CWH43: variants seen among roughly 807,000 people sequenced by gnomAD.
CWH43 encodes the protein cell wall biogenesis 43 C-terminal homolog, also known as PGAP2-interacting protein.
Under a neutral mutation model 85.7 loss-of-function variants are expected in CWH43, and 91 were observed. That is an observed-to-expected ratio of 1.06 (90% CI 0.90 to 1.26). The LOEUF (loss-of-function observed/expected upper bound fraction) is 1.26. Among genes scored for constraint, CWH43 ranks in the 50% most tolerant of loss-of-function variants. The pLI, the probability that CWH43 is intolerant of heterozygous loss-of-function variation, is 0.00. For missense variants in CWH43, 869 were observed against 839.2 expected (o/e 1.04, Z -0.44); for synonymous variants, 323 against 293.6 (o/e 1.10, Z -1.02).
intron 5 of CWH43, among the ~76,000 whole-genome samples, chr4:48,995,206 G>A (rs1308124265): frequency 6.6e-6 from 1 of 152,166 alleles, no homozygotes. Flanking sequence ...AGTAGGATAA[G>A]ACCACAGTCC....
intron 14 of CWH43, among the ~76,000 whole-genome samples, chr4:49,048,157 G>T (rs1475897607): frequency 6.6e-6 from 1 of 152,114 alleles, no homozygotes; most frequent in African/African-American, 2.4e-5. Flanking sequence ...TTAATTTCAA[G>T]TTTTAAAAAA....
At position 48,991,976 on chromosome 4, in the gene CWH43, C is replaced by A; in HGVS notation, c.397C>A (p.Leu133Ile). The change falls in exon 4 of 16, where the codon CTT becomes ATT. Residue 133 changes from leucine to isoleucine, a missense_variant. Physicochemically the swap from Leu to Ile is conservative, Grantham distance 5 (BLOSUM62 2). This residue lies in a region of CWH43 where 152 missense variants were observed against 203.6 expected (regional missense o/e 0.75). Transcript: ENST00000226432. The stretch of plus-strand genomic sequence containing the variant: ...GGGATTCATTTTAGGACAGATTGTT[C>A]TTGTTGTTCTACGCATATGGTATAC... ...IWGFILGQIVLVVLRIWYTSL... is the reference protein window; with the variant it reads ...IWGFILGQIVIVVLRIWYTSL... 1 of 1,613,796 alleles carries A rather than the reference C, an allele frequency of 6.2e-7. No homozygotes were observed. Among genetic ancestry groups the A allele is most frequent in the Non-Finnish European group, 8.5e-7 (1 of 1,179,858 alleles).
chr4:49,050,931 G>T (rs1784774587), intron 15 of CWH43, 82 bp downstream of exon 15: 1 of 992,730 alleles, frequency 1.0e-6, no homozygotes, highest in Admixed American at 2.5e-5. Context: ...AAATGAGCTA[G>T]AAATTATATT....
chr4:49,008,389 G>A (rs1783239412), intron 8 of CWH43, among the ~76,000 whole-genome samples: 1 of 150,228 alleles, frequency 6.7e-6, no homozygotes, highest in South Asian at 2.2e-4. Context: ...TTTGTCACAT[G>A]GATAGATTGC....
Position 48,993,333 on chromosome 4 carries a change from G to A in CWH43, c.511+1243G>A, listed in dbSNP as rs183746713. Among the ~76,000 whole-genome samples, 1,031 of 152,102 alleles carry A rather than the reference G, an allele frequency of 6.8e-3. 5 individuals carry two copies. Among genetic ancestry groups the A allele is most frequent in the Non-Finnish European group, 0.01 (712 of 67,974 alleles). On this transcript the variant is annotated intron_variant, in intron 4 of 15. Transcript: ENST00000226432. ...TGGCTCTTTTTCCTCAAAACTCTCC[G>A]CTGAGCCCCCAGACCCCTGGCCTCC... is the stretch of plus-strand genomic sequence containing the variant.
At chr4:49,010,603 T>G (rs978198606) in intron 8 of CWH43, among the ~76,000 whole-genome samples, 27 of 152,226 alleles carry the variant, frequency 1.8e-4, no homozygotes, top group Non-Finnish European at 3.5e-4. Flanking sequence ...GCTGTCTGTT[T>G]TGGGCATTTA....
At chr4:49,036,729 G>A (rs1211255111) in intron 12 of CWH43, among the ~76,000 whole-genome samples, 1 of 152,156 alleles carries the variant, frequency 6.6e-6, no homozygotes, top group African/African-American at 2.4e-5. Context: ...CTGGCTTCTG[G>A]GTAGGTTTAG....
At chr4:49,018,356 A>G (rs1783628101) in intron 9 of CWH43, among the ~76,000 whole-genome samples, 1 of 152,188 alleles carries the variant, frequency 6.6e-6, no homozygotes, top group South Asian at 2.1e-4. Context: ...GAGATTTGGT[A>G]GGGACACAGA....
At chr4:49,008,004 G>T (rs1783221453) in intron 8 of CWH43, among the ~76,000 whole-genome samples, 2 of 152,266 alleles carry the variant, frequency 1.3e-5, no homozygotes, top group African/African-American at 4.8e-5. Context: ...GGATGGCTGG[G>T]TCAAATGGTA....
At position 48,992,147 on chromosome 4, in the gene CWH43, G is replaced by A. The variant is rs553276903; in HGVS notation, c.511+57G>A. 152 of 1,386,718 alleles carry A rather than the reference G, an allele frequency of 1.1e-4. No individual in the cohort carries two copies. In the African/African-American group the frequency reaches 2.0e-3, roughly 18 times the overall value. The allele number at this position is 1,386,718 out of a possible 1,614,324, so 85.9% of individuals were successfully genotyped here. On this transcript the variant is annotated intron_variant, in intron 4 of 15. Transcript: ENST00000226432. This position sits in a 1 kb window ranked among gnomAD's most constrained non-coding sequence, Gnocchi z 4.3. ...CAGAGCTTACCTTTCCTATGTGAAT[G>A]TTGCACATCTTGGAAAGAAAATCTA...
At chr4:49,021,351 T>A (rs1783745165) in intron 9 of CWH43, among the ~76,000 whole-genome samples, 1 of 152,180 alleles carries the variant, frequency 6.6e-6, no homozygotes, top group Non-Finnish European at 1.5e-5. Flanking sequence ...ATGTCAAAGA[T>A]CAGTTGACTG....
intron 6 of CWH43, among the ~76,000 whole-genome samples, chr4:49,002,072 G>A (rs1329965584): frequency 6.6e-6 from 1 of 152,114 alleles, no homozygotes; most frequent in African/African-American, 2.4e-5. Flanking sequence ...GCAAAGACAA[G>A]TATTAGGTTT....
At chr4:49,008,230 G>A (rs1226975372) in intron 8 of CWH43, among the ~76,000 whole-genome samples, 3 of 152,160 alleles carry the variant, frequency 2.0e-5, no homozygotes, top group Non-Finnish European at 4.4e-5. Context: ...CAGTGATGAT[G>A]AGCATTTTTT....
chr4:49,014,390 T>C (rs1056929684), intron 8 of CWH43, among the ~76,000 whole-genome samples: 10 of 148,032 alleles, frequency 6.8e-5, no homozygotes, highest in African/African-American at 2.6e-4. Context: ...CTTTTGAGCC[T>C]GGGAGGTCAA....
chr4:49,009,566 G>T (rs1783283564), intron 8 of CWH43, among the ~76,000 whole-genome samples: 1 of 152,162 alleles, frequency 6.6e-6, no homozygotes, highest in Admixed American at 6.6e-5. Context: ...TTTTCAAACG[G>T]AATGCTTCCA....
intron 1 of CWH43, among the ~76,000 whole-genome samples, chr4:48,987,709 T>C (rs1349066064): frequency 1.3e-5 from 2 of 152,170 alleles, no homozygotes; most frequent in Admixed American, 6.5e-5. Context: ...TAATTATCAT[T>C]ATTGCTCAAG....
At chr4:49,047,951 G>T (rs1399862058) in intron 14 of CWH43, among the ~76,000 whole-genome samples, 1 of 152,174 alleles carries the variant, frequency 6.6e-6, no homozygotes, top group Non-Finnish European at 1.5e-5. Flanking sequence ...AATAGCTGTG[G>T]AACAGATAGC....
At chr4:48,991,909 T>C (rs1378619817) in intron 3 of CWH43, 27 bp from the exon 4 acceptor site, 2 of 1,594,530 alleles carry the variant, frequency 1.3e-6, no homozygotes, top group African/African-American at 1.3e-5. Flanking sequence ...ACATAAAAAG[T>C]GTTTAAAAAT....
chr4:49,049,613 C>T (rs1236968300), intron 14 of CWH43, among the ~76,000 whole-genome samples: 1 of 152,120 alleles, frequency 6.6e-6, no homozygotes, highest in Non-Finnish European at 1.5e-5. Context: ...TGCATGTTCC[C>T]TCTTATGCAC....
Sources: allele counts gnomAD v4.1 joint callset (sites outside exome capture counted in the v4.1 genomes callset), GRCh38; gene constraint gnomAD v4.1.1; regional missense constraint gnomAD v4.1.1; non-coding constraint Gnocchi (gnomAD v3.1); transcripts MANE v1.5; gene names NCBI Gene and HGNC (gene_info 2026-07-23, HGNC 2026-07-21).